SNX30: variants seen among roughly 807,000 people sequenced by gnomAD.
The protein encoded by SNX30 is sorting nexin-30.
A neutral mutation model predicts 46.4 loss-of-function variants in SNX30; 24 were observed. The ratio of observed to expected loss-of-function variants is 0.52; its 90% CI spans 0.37 to 0.73. The LOEUF is 0.73. Ranked by LOEUF, SNX30 falls within the 30% of genes least tolerant of loss-of-function variation. The pLI is 0.00. For synonymous variants in SNX30, 189 were observed against 211.5 expected (o/e 0.89, Z 0.92); for missense variants, 533 against 555.7 (o/e 0.96, Z 0.41).
At chr9:112,832,495 T>TGTGA (rs1554754469) in intron 4 of SNX30, among the ~76,000 whole-genome samples, 21 of 135,458 alleles carry the variant, frequency 1.6e-4, no homozygotes, top group African/African-American at 5.1e-4. Flanking sequence ...TGTGTGTGTG[T>TGTGA]GAGAGAGAGA....
At chr9:112,817,401 C>CTTTTTTATTTTTTTTT (rs1840414683) in intron 2 of SNX30, among the ~76,000 whole-genome samples, 1 of 46,832 alleles carries the variant, frequency 2.1e-5, no homozygotes, top group Non-Finnish European at 3.4e-5. Flanking sequence ...AAAAAACTGG[C>CTTTTTTATTTTTTTTT]TTTTTTTTTT....
chr9:112,812,038 T>G (rs1840328338), intron 2 of SNX30, among the ~76,000 whole-genome samples: 1 of 152,196 alleles, frequency 6.6e-6, no homozygotes, highest in African/African-American at 2.4e-5. Context: ...CTGGCCCAGT[T>G]TCAGCTGGTG....
intron 1 of SNX30, among the ~76,000 whole-genome samples, chr9:112,790,165 G>C (rs1260997724): frequency 6.6e-6 from 1 of 152,198 alleles, no homozygotes; most frequent in African/African-American, 2.4e-5. Flanking sequence ...TGCAGAACTT[G>C]AGACTTACTA....
intron 2 of SNX30, among the ~76,000 whole-genome samples, chr9:112,810,902 G>T (rs764077494): frequency 6.6e-6 from 1 of 152,150 alleles, no homozygotes; most frequent in Non-Finnish European, 1.5e-5. Flanking sequence ...GTCAGGAGCT[G>T]TGTGGAACGA....
intron 1 of SNX30, among the ~76,000 whole-genome samples, chr9:112,779,326 C>G (rs787295): frequency 0.87 from 132,860 of 152,236 alleles, 58,168 homozygotes; most frequent in Middle Eastern, 0.91. Flanking sequence ...TCTTCACTCT[C>G]CATCATTCAT....
chr9:112,798,130 T>C (rs1484264021), intron 1 of SNX30, among the ~76,000 whole-genome samples: 3 of 57,556 alleles, frequency 5.2e-5, no homozygotes, highest in East Asian at 5.8e-4. Flanking sequence ...TCTTTTTTTT[T>C]TTTTTTTTTT....
downstream of SNX30, chr9:112,879,702 C>G: frequency 6.6e-7 from 1 of 1,524,290 alleles, no homozygotes; most frequent in African/African-American, 1.4e-5. Flanking sequence ...CTGGTCCCTT[C>G]TTTTGTCTTC....
At chr9:112,863,388 G>C (rs1399367691) in intron 7 of SNX30, among the ~76,000 whole-genome samples, 1 of 152,206 alleles carries the variant, frequency 6.6e-6, no homozygotes, top group Non-Finnish European at 1.5e-5. Context: ...TGAAGTGCTT[G>C]AGTTAGGAGA....
intron 2 of SNX30, among the ~76,000 whole-genome samples, chr9:112,810,718 G>A (rs116348614): frequency 5.1e-4 from 78 of 152,278 alleles, no homozygotes; most frequent in African/African-American, 1.8e-3. Flanking sequence ...GGGCACTTAG[G>A]TTGTGGAAGG....
chr9:112,782,523 C>CA (rs1252844323), intron 1 of SNX30, among the ~76,000 whole-genome samples: 1 of 152,216 alleles, frequency 6.6e-6, no homozygotes, highest in Non-Finnish European at 1.5e-5. Context: ...TATAAATCAT[C>CA]ATGTAGTACT....
intron 1 of SNX30, among the ~76,000 whole-genome samples, chr9:112,758,245 T>C (rs1459401210): frequency 1.3e-5 from 2 of 152,118 alleles, no homozygotes; most frequent in Non-Finnish European, 1.5e-5. Flanking sequence ...CCCTGCTCTG[T>C]TTGGCCTCCT....
In SNX30 at chr9:112,870,035, A is replaced by G. The variant is rs1841421683; in HGVS notation, c.*1192A>G. 6.6e-6 allele frequency: 1 copy of G among 152,200 alleles called. No individual in the cohort carries two copies. Among genetic ancestry groups the G allele is most frequent in the Non-Finnish European group, 1.5e-5 (1 of 68,034 alleles). 9.4% of individuals were successfully genotyped at this position (152,200 alleles called of 1,614,324 possible). ...AACAGCGAGCCCTTTGTGTCCAGCT[A>G]AGCTAAAGTCTCCTCAGTGTGCAGC... On this transcript the variant is annotated 3_prime_UTR_variant, in exon 9 of 9. Coordinates refer to ENST00000374232, the MANE Select transcript of SNX30 (RefSeq NM_001012994.2).
intron 1 of SNX30, among the ~76,000 whole-genome samples, chr9:112,764,647 G>A (rs566913103): frequency 1.3e-5 from 2 of 152,246 alleles, no homozygotes; most frequent in Admixed American, 6.5e-5. Context: ...GGTGGAGCCT[G>A]GCGGCAAGGA....
chr9:112,833,365 A>G (rs894749657), intron 4 of SNX30, among the ~76,000 whole-genome samples: 2 of 152,222 alleles, frequency 1.3e-5, no homozygotes, highest in Non-Finnish European at 2.9e-5. Context: ...GTCCTTAAGA[A>G]GAAGCCAAAA....
At chr9:112,809,166 G>C (rs908766164) in intron 2 of SNX30, among the ~76,000 whole-genome samples, 1 of 151,100 alleles carries the variant, frequency 6.6e-6, no homozygotes, top group Non-Finnish European at 1.5e-5. Context: ...AGCTCACTGC[G>C]GCCTCCGCCT....
Position 112,813,098 on chromosome 9 carries a change from G to A in SNX30, c.349-4607G>A, listed in dbSNP as rs531660033. Among the ~76,000 whole-genome samples the A allele has an allele frequency of 3.0e-4, 45 of 152,174 alleles. 1 individual carries two copies. In the South Asian group the frequency reaches 8.5e-3, roughly 29 times the overall value. On this transcript the variant is annotated intron_variant, in intron 2 of 8. Coordinates refer to ENST00000374232, the MANE Select transcript of SNX30 (RefSeq NM_001012994.2). Reference sequence around the variant, plus strand: ...GGAGGTGTGGAGGTTGCAGTGAGCCGAGATCATGCCACTATACTCCAGCCT... The same window carrying A: ...GGAGGTGTGGAGGTTGCAGTGAGCCAAGATCATGCCACTATACTCCAGCCT...
At chr9:112,806,703 T>C (rs1251606443) in intron 2 of SNX30, among the ~76,000 whole-genome samples, 1 of 152,168 alleles carries the variant, frequency 6.6e-6, no homozygotes, top group Non-Finnish European at 1.5e-5. Context: ...ACATGCTGAG[T>C]GGAAACAGGG....
chr9:112,809,822 A>G (rs577550537), intron 2 of SNX30, among the ~76,000 whole-genome samples: 4 of 152,008 alleles, frequency 2.6e-5, no homozygotes, highest in African/African-American at 7.2e-5. Flanking sequence ...AAACAAGCAT[A>G]GAGAGCAGTG....
chr9:112,865,657 A>ATGTGTG (rs1399648106), intron 8 of SNX30, among the ~76,000 whole-genome samples: 6 of 81,414 alleles, frequency 7.4e-5, no homozygotes, highest in African/African-American at 3.7e-4. Flanking sequence ...ATATATATAT[A>ATGTGTG]TATATGTATG....
Sources: gnomAD v4.1 joint callset for allele counts (sites outside exome capture counted in the v4.1 genomes callset) on GRCh38, gnomAD v4.1.1 for gene constraint, MANE v1.5 for transcripts, NCBI Gene and HGNC (gene_info 2026-07-23, HGNC 2026-07-21) for gene names.